The following PPIG variants were observed in gnomAD, a reference collection of about 807,000 sequenced individuals.
PPIG encodes peptidyl-prolyl cis-trans isomerase G.
PPIG carries 26 observed loss-of-function variants against 87.9 expected under a neutral mutation model. The observed-to-expected ratio is 0.30, with a 90% CI of 0.22 to 0.41. The LOEUF is 0.41. Ranked by LOEUF, PPIG falls within the 10% of genes least tolerant of loss-of-function variation. The pLI is 1.00. For synonymous variants in PPIG, 308 were observed against 276.5 expected (o/e 1.11, Z -1.13); for missense variants, 722 against 879.4 (o/e 0.82, Z 2.26).
chr2:169,618,798 T>C (rs1165275111), intron 9 of PPIG, among the ~76,000 whole-genome samples: 1 of 151,810 alleles, frequency 6.6e-6, no homozygotes, highest in Non-Finnish European at 1.5e-5. Flanking sequence ...TGTTAAACTT[T>C]TCAAAAGACC....
chr2:169,634,803 T>A (rs934755212), intron 12 of PPIG, among the ~76,000 whole-genome samples: 14 of 152,320 alleles, frequency 9.2e-5, no homozygotes, highest in Admixed American at 8.5e-4. Context: ...TTAATTCAAC[T>A]CCATCATATT....
At chr2:169,635,745 G>A (rs187685968) in intron 12 of PPIG, among the ~76,000 whole-genome samples, 1 of 152,262 alleles carries the variant, frequency 6.6e-6, no homozygotes, top group East Asian at 1.9e-4. Context: ...GCATTACTTG[G>A]TTAGGACTCT....
intron 9 of PPIG, among the ~76,000 whole-genome samples, chr2:169,625,565 G>A (rs16857086): frequency 0.11 from 17,108 of 152,084 alleles, 1,213 homozygotes; most frequent in South Asian, 0.26. Flanking sequence ...TCTCTGAGGA[G>A]TGTGATGTTA....
At chr2:169,599,670 C>T (rs2592809) in intron 1 of PPIG, among the ~76,000 whole-genome samples, 135,395 of 152,154 alleles carry the variant, frequency 0.89, 60,390 homozygotes, top group East Asian at 0.98. Context: ...TCTGCTCATA[C>T]ACCCTTAGGT....
chr2:169,627,241 CG>C (rs1301611530), intron 9 of PPIG, among the ~76,000 whole-genome samples: 1 of 151,626 alleles, frequency 6.6e-6, no homozygotes, highest in Admixed American at 6.6e-5. Context: ...TGGGATTACG[CG>C]TGTGCACCAC....
At chr2:169,618,735 C>G (rs1229228176) in intron 9 of PPIG, among the ~76,000 whole-genome samples, 2 of 150,744 alleles carry the variant, frequency 1.3e-5, no homozygotes, top group Non-Finnish European at 3.0e-5. Context: ...CTATTTGATT[C>G]TTCTCTCTTT....
chr2:169,604,170 A>G lies in PPIG; in HGVS notation c.62-17A>G, dbSNP rs776398508. The G allele has an allele frequency of 5.5e-5, 88 of 1,611,226 alleles. No homozygotes were observed. The highest frequency in any genetic ancestry group is 1.1e-4 in the South Asian group (10 of 91,018). On this transcript the variant is annotated splice_polypyrimidine_tract_variant and intron_variant, in intron 3 of 13. Transcript: ENST00000260970. ...TTAAATTAGTAAAGAAGTTTAACCA[A>G]CTACCTTCTTTTTCAGCTGGAAGAG... is the stretch of plus-strand genomic sequence containing the variant.
chr2:169,602,581 G>A (rs771583209), intron 1 of PPIG, among the ~76,000 whole-genome samples: 13 of 152,232 alleles, frequency 8.5e-5, no homozygotes, highest in Non-Finnish European at 2.9e-5. Context: ...CAAAGTGCTG[G>A]GATTACAGGC....
intron 9 of PPIG, among the ~76,000 whole-genome samples, chr2:169,622,022 G>A (rs1280458224): frequency 1.3e-5 from 2 of 152,038 alleles, no homozygotes; most frequent in Non-Finnish European, 2.9e-5. Flanking sequence ...AGGAGTTGAA[G>A]GCTATAGCCT....
Position 169,592,671 on chromosome 2 carries a change from C to T in PPIG, c.-70+8181C>T, listed in dbSNP as rs549251279. Among the ~76,000 whole-genome samples the T allele has an allele frequency of 3.8e-4, 58 of 152,152 alleles. 1 individual carries two copies. The South Asian group carries it at 0.012, about 31-fold the overall frequency. ...ACCAGGCTGGTCTTGAACTCCTGGG[C>T]TCAAGTGATCCTCCTCCCTTCGCCC... On this transcript the variant is annotated intron_variant, in intron 1 of 13. Coordinates refer to ENST00000260970, the MANE Select transcript of PPIG (RefSeq NM_004792.3).
intron 1 of PPIG, among the ~76,000 whole-genome samples, chr2:169,602,983 T>C (rs1482632793): frequency 6.6e-6 from 1 of 152,152 alleles, no homozygotes; most frequent in African/African-American, 2.4e-5. Flanking sequence ...TAATGAGGTA[T>C]GAGGGAAAGT....
rs1411701056 is a variant in PPIG at position 169,638,965 on chromosome 2, G to A, written c.*1442G>A. The A allele has an allele frequency of 6.6e-6, 1 of 151,878 alleles. No homozygotes were observed. The highest frequency in any genetic ancestry group is 2.4e-5 in the African/African-American group (1 of 41,390). The allele number at this position is 151,878 out of a possible 1,614,324, so 9.4% of individuals were successfully genotyped here. On this transcript the variant is annotated 3_prime_UTR_variant, in exon 14 of 14. Coordinates refer to ENST00000260970, the MANE Select transcript of PPIG (RefSeq NM_004792.3). ...GTGTAGTGTCAACTCTGTTACCAAGGTAGCTTCTTGGTAAATCCAGTAGCT... is the reference window on the plus strand; with the variant it reads ...GTGTAGTGTCAACTCTGTTACCAAGATAGCTTCTTGGTAAATCCAGTAGCT...
chr2:169,614,782 C>T, intron 9 of PPIG, 58 bp downstream of exon 9: 1 of 1,466,892 alleles, frequency 6.8e-7, no homozygotes, highest in South Asian at 1.4e-5. Context: ...AGCAGAGATA[C>T]TCTAAATAGT....
intron 9 of PPIG, among the ~76,000 whole-genome samples, chr2:169,620,712 G>A (rs1020660502): frequency 3.3e-5 from 5 of 152,086 alleles, no homozygotes; most frequent in African/African-American, 7.2e-5. Flanking sequence ...ATGCTGACAT[G>A]ACTAATTTGA....
intron 1 of PPIG, among the ~76,000 whole-genome samples, chr2:169,590,005 A>T (rs751624311): frequency 3.4e-4 from 51 of 151,982 alleles, no homozygotes; most frequent in Non-Finnish European, 6.5e-4. Context: ...GCTACTCGGG[A>T]GGCTGAGGCA....
intron 1 of PPIG, among the ~76,000 whole-genome samples, chr2:169,601,398 T>G (rs1023408024): frequency 6.6e-6 from 1 of 152,196 alleles, no homozygotes; most frequent in African/African-American, 2.4e-5. Flanking sequence ...GGAACTTATA[T>G]TCTAGTGAGA....
intron 7 of PPIG, among the ~76,000 whole-genome samples, chr2:169,609,834 G>A (rs1452582406): frequency 6.6e-6 from 1 of 152,132 alleles, no homozygotes; most frequent in Non-Finnish European, 1.5e-5. Context: ...TAAATTTAGA[G>A]GGGTGATTTC....
intron 1 of PPIG, among the ~76,000 whole-genome samples, chr2:169,585,268 G>GTTTTTTTTTTT (rs1476229562): frequency 2.7e-4 from 6 of 22,102 alleles, no homozygotes; most frequent in Non-Finnish European, 6.3e-4. Context: ...TTCTTGGTTA[G>GTTTTTTTTTTT]TCTTTTTTTT....
Position 169,640,811 on chromosome 2 carries a change from G to T in PPIG, c.*3288G>T, listed in dbSNP as rs1686294557. Reference sequence around the variant, plus strand: ...CCCATAGTGAGCTTCCCAACTAACTGCCTTCAGTGGATTCGGGCAAGTGCA... The same window carrying T: ...CCCATAGTGAGCTTCCCAACTAACTTCCTTCAGTGGATTCGGGCAAGTGCA... On this transcript the variant is annotated 3_prime_UTR_variant, in exon 14 of 14. Transcript: ENST00000260970. 1 of 152,168 alleles carries T rather than the reference G, an allele frequency of 6.6e-6. No individual in the cohort carries two copies. The highest frequency in any genetic ancestry group is 2.4e-5 in the African/African-American group (1 of 41,446). 9.4% of individuals were successfully genotyped at this position (152,168 alleles called of 1,614,324 possible).
Sources: allele counts gnomAD v4.1 joint callset (sites outside exome capture counted in the v4.1 genomes callset), GRCh38; gene constraint gnomAD v4.1.1; transcripts MANE v1.5; gene names NCBI Gene and HGNC (gene_info 2026-07-23, HGNC 2026-07-21).